Variants in CERKL observed in about 807,000 individuals in gnomAD.
CERKL encodes the protein ceramide kinase-like protein.
A neutral mutation model predicts 63.4 loss-of-function variants in CERKL; 61 were observed. That is an observed-to-expected ratio of 0.96 (90% CI 0.78 to 1.19). The LOEUF is 1.19. Ranked by LOEUF, CERKL falls within the 50% of genes most tolerant of loss-of-function variation. The pLI is 0.00. For synonymous variants in CERKL, 250 were observed against 230.5 expected (o/e 1.08, Z -0.77); for missense variants, 675 against 655.5 (o/e 1.03, Z -0.33).
intron 1 of CERKL, among the ~76,000 whole-genome samples, chr2:181,652,687 T>C (rs375941977): frequency 3.1e-4 from 47 of 151,552 alleles, no homozygotes; most frequent in African/African-American, 1.1e-3. Flanking sequence ...AGCTGCAGAA[T>C]GGGAGAAAAA....
chr2:181,634,490 G>T (rs1687093228), intron 1 of CERKL, among the ~76,000 whole-genome samples: 1 of 151,976 alleles, frequency 6.6e-6, no homozygotes, highest in Non-Finnish European at 1.5e-5. Context: ...TCATTAAGGT[G>T]AAAAAAATTT....
Position 181,654,694 on chromosome 2 carries a change from A to G in CERKL, c.238+2075T>C, listed in dbSNP as rs112497790. On this transcript the variant is annotated intron_variant, in intron 1 of 12. Transcript: ENST00000410087. The stretch of plus-strand genomic sequence containing the variant: ...TTCCATTTAATCTTTTACCACTCAC[A>G]TCTAAGCTTATTCAACAACAGAGCA... 5.7e-3 allele frequency among the ~76,000 whole-genome samples: 870 copies of G among 152,280 alleles called. 4 individuals carry two copies. Among genetic ancestry groups the G allele is most frequent in the Non-Finnish European group, 0.01 (699 of 68,022 alleles).
intron 12 of CERKL, 33 bp downstream of exon 12, chr2:181,539,059 G>A: frequency 8.0e-7 from 1 of 1,246,482 alleles, no homozygotes; most frequent in Non-Finnish European, 1.1e-6. Flanking sequence ...ATGTTTACTG[G>A]TTGACAATAA....
chr2:181,627,936 A>T (rs1231363707), intron 1 of CERKL, among the ~76,000 whole-genome samples: 1 of 152,240 alleles, frequency 6.6e-6, no homozygotes, highest in Non-Finnish European at 1.5e-5. Flanking sequence ...ATTAGAAACT[A>T]GGTGATAGCA....
At chr2:181,569,485 G>C (rs974683265) in intron 3 of CERKL, among the ~76,000 whole-genome samples, 1 of 152,064 alleles carries the variant, frequency 6.6e-6, no homozygotes, top group South Asian at 2.1e-4. Flanking sequence ...ACTATGAAGA[G>C]GCTTGTTAAC....
intron 1 of CERKL, among the ~76,000 whole-genome samples, chr2:181,607,274 A>G (rs1258184675): frequency 1.2e-4 from 18 of 152,220 alleles, no homozygotes; most frequent in Non-Finnish European, 1.5e-5. Context: ...TGAAAATGCT[A>G]CTTTAACACA....
At chr2:181,653,638 C>T (rs1403929918) in intron 1 of CERKL, among the ~76,000 whole-genome samples, 1 of 152,080 alleles carries the variant, frequency 6.6e-6, no homozygotes, top group Non-Finnish European at 1.5e-5. Context: ...AGAGAAGTAA[C>T]CCAGACACAG....
intron 2 of CERKL, among the ~76,000 whole-genome samples, chr2:181,596,375 C>A (rs1685209552): frequency 6.6e-6 from 1 of 152,120 alleles, no homozygotes; most frequent in Admixed American, 6.6e-5. Flanking sequence ...CCGTGAGAAG[C>A]CCTAGGGAAG....
Position 181,656,840 on chromosome 2 carries a change from C to T in CERKL, c.167G>A (p.Arg56Lys), listed in dbSNP as rs1688189325. The T allele has an allele frequency of 6.2e-7, 1 of 1,604,920 alleles. No individual in the cohort carries two copies. The highest frequency in any genetic ancestry group is 8.5e-7 in the Non-Finnish European group (1 of 1,173,976). ...ILLRGIFEIG[R>K]DSCDVVLSER... ...GCTCAGCACCACGTCACAACTGTCC[C>T]TCCCGATCTCGAAGATGCCCCGGAG... is the stretch of plus-strand genomic sequence containing the variant. Residue 56 changes from arginine to lysine, a missense_variant, in exon 1 of 13, where the codon AGG becomes AAG. Transcript: ENST00000410087.
At chr2:181,585,637 G>A (rs1007380252) in intron 2 of CERKL, among the ~76,000 whole-genome samples, 4 of 152,102 alleles carry the variant, frequency 2.6e-5, no homozygotes, top group African/African-American at 9.7e-5. Context: ...AAGCAATTCA[G>A]TCTCTATCTC....
chr2:181,648,892 T>C (rs1375722916), intron 1 of CERKL, among the ~76,000 whole-genome samples: 7 of 152,178 alleles, frequency 4.6e-5, no homozygotes, highest in East Asian at 1.9e-4. Flanking sequence ...GTTAGCCCCA[T>C]GGTACCCACA....
intron 1 of CERKL, among the ~76,000 whole-genome samples, chr2:181,648,266 C>A (rs1687750180): frequency 6.6e-6 from 1 of 151,968 alleles, no homozygotes; most frequent in African/African-American, 2.4e-5. Flanking sequence ...ACAGAGAATT[C>A]TAAAATCTGC....
At chr2:181,563,175 A>G (rs1191044797) in intron 4 of CERKL, among the ~76,000 whole-genome samples, 1 of 152,106 alleles carries the variant, frequency 6.6e-6, no homozygotes, top group Non-Finnish European at 1.5e-5. Context: ...ATAGGGAGCA[A>G]TATAGAATCT....
intron 3 of CERKL, among the ~76,000 whole-genome samples, chr2:181,567,812 T>C (rs1688727853): frequency 6.6e-6 from 1 of 152,150 alleles, no homozygotes; most frequent in Non-Finnish European, 1.5e-5. Flanking sequence ...GGATTACTAT[T>C]TAAATATAGT....
At chr2:181,589,367 A>G (rs1013681787) in intron 2 of CERKL, among the ~76,000 whole-genome samples, 1 of 152,216 alleles carries the variant, frequency 6.6e-6, no homozygotes, top group African/African-American at 2.4e-5. Flanking sequence ...CTGAAAGTAT[A>G]TATTTCAAGT....
intron 1 of CERKL, among the ~76,000 whole-genome samples, chr2:181,618,927 T>A (rs1483122935): frequency 6.6e-6 from 1 of 152,194 alleles, no homozygotes; most frequent in African/African-American, 2.4e-5. Context: ...ATGGCATGAT[T>A]TATGCATTGC....
At chr2:181,620,005 T>C (rs1250426158) in intron 1 of CERKL, among the ~76,000 whole-genome samples, 3 of 152,236 alleles carry the variant, frequency 2.0e-5, no homozygotes, top group Non-Finnish European at 4.4e-5. Flanking sequence ...GAATACCTAC[T>C]ACATTCGAGG....
At chr2:181,543,892 G>A (rs2105795585) in intron 11 of CERKL, among the ~76,000 whole-genome samples, 1 of 150,044 alleles carries the variant, frequency 6.7e-6, no homozygotes, top group East Asian at 2.0e-4. Context: ...GCTGAGGCAG[G>A]AGAATCGCTT....
At chr2:181,639,158 T>A (rs771509977) in intron 1 of CERKL, among the ~76,000 whole-genome samples, 2 of 152,084 alleles carry the variant, frequency 1.3e-5, no homozygotes, top group Non-Finnish European at 2.9e-5. Flanking sequence ...ATTTGAAGAG[T>A]AGTAATATGA....
Sources: allele counts gnomAD v4.1 joint callset (sites outside exome capture counted in the v4.1 genomes callset), GRCh38; gene constraint gnomAD v4.1.1; transcripts MANE v1.5; gene names NCBI Gene and HGNC (gene_info 2026-07-23, HGNC 2026-07-21).